The following BCAS1 variants were observed in gnomAD, a reference collection of about 807,000 sequenced individuals.
BCAS1 encodes the protein breast carcinoma-amplified sequence 1.
A neutral mutation model predicts 65.4 loss-of-function variants in BCAS1; 46 were observed. The ratio of observed to expected loss-of-function variants is 0.70; its 90% CI spans 0.55 to 0.90. The LOEUF is 0.90. Ranked by LOEUF, BCAS1 falls within the 40% of genes least tolerant of loss-of-function variation. The pLI is 0.00. For missense variants in BCAS1, 793 were observed against 771.2 expected, an observed-to-expected ratio of 1.03 and a Z score of -0.33; for synonymous variants, 298 against 293.5, an observed-to-expected ratio of 1.02 and a Z score of -0.16.
chr20:53,952,259 CA>C (rs1242364242), intron 12 of BCAS1, among the ~76,000 whole-genome samples: 1 of 152,232 alleles, frequency 6.6e-6, no homozygotes, highest in Non-Finnish European at 1.5e-5. Flanking sequence ...GCTGTTTATG[CA>C]GTCCTATTTC....
At chr20:54,016,862 A>C (rs1416559643) in intron 4 of BCAS1, among the ~76,000 whole-genome samples, 1 of 152,154 alleles carries the variant, frequency 6.6e-6, no homozygotes, top group Non-Finnish European at 1.5e-5. Flanking sequence ...GCTTATACTA[A>C]TTGAACCAAG....
At chr20:54,018,991 A>G (rs1216559081) in intron 4 of BCAS1, among the ~76,000 whole-genome samples, 1 of 152,226 alleles carries the variant, frequency 6.6e-6, no homozygotes, top group Admixed American at 6.5e-5. Context: ...TTGACATATT[A>G]TTGCTTTAAA....
At chr20:53,959,018 T>C (rs897042748) in intron 10 of BCAS1, among the ~76,000 whole-genome samples, 7 of 152,226 alleles carry the variant, frequency 4.6e-5, no homozygotes, top group Admixed American at 6.5e-5. Context: ...AGATGGAGGA[T>C]GACCAAACTC....
intron 9 of BCAS1, among the ~76,000 whole-genome samples, chr20:53,974,969 T>G (rs1161242387): frequency 6.6e-6 from 1 of 152,176 alleles, no homozygotes; most frequent in Non-Finnish European, 1.5e-5. Flanking sequence ...TTCTCATGCC[T>G]GATGCAACTC....
At chr20:54,004,294 A>T (rs1017649971) in intron 4 of BCAS1, among the ~76,000 whole-genome samples, 2 of 152,198 alleles carry the variant, frequency 1.3e-5, no homozygotes, top group African/African-American at 4.8e-5. Flanking sequence ...CAAGAACCCA[A>T]CCATGCTGGC....
chr20:54,029,147 T>C (rs2146106577), intron 3 of BCAS1, 175 bp from the exon 4 acceptor site: 1 of 985,430 alleles, frequency 1.0e-6, no homozygotes, highest in Non-Finnish European at 1.2e-6. Flanking sequence ...ACCCTGCTTT[T>C]CTTGGGAGAG....
At chr20:53,991,032 T>G (rs1410175585) in intron 7 of BCAS1, among the ~76,000 whole-genome samples, 5 of 152,178 alleles carry the variant, frequency 3.3e-5, no homozygotes, top group Admixed American at 3.3e-4. Flanking sequence ...GTCCCTTTAT[T>G]GGTGGCAAGA....
intron 4 of BCAS1, among the ~76,000 whole-genome samples, chr20:54,017,399 C>CTTTT (rs200791354): frequency 2.5e-5 from 3 of 121,756 alleles, no homozygotes; most frequent in African/African-American, 3.1e-5. Context: ...TTTTTCTTTT[C>CTTTT]TTTTTTTTTT....
chr20:53,976,563 C>T (rs961401717), intron 8 of BCAS1, among the ~76,000 whole-genome samples: 7 of 152,168 alleles, frequency 4.6e-5, no homozygotes, highest in Admixed American at 3.3e-4. Flanking sequence ...GTGATCCTAA[C>T]TTACAGAGTA....
chr20:54,002,869 C>T (rs1422799477), intron 4 of BCAS1, among the ~76,000 whole-genome samples: 1 of 152,070 alleles, frequency 6.6e-6, no homozygotes, highest in Non-Finnish European at 1.5e-5. Flanking sequence ...TCCTAATTCC[C>T]CTCTCATCAG....
At chr20:53,958,642 C>T (rs1040103881) in intron 10 of BCAS1, among the ~76,000 whole-genome samples, 2 of 152,196 alleles carry the variant, frequency 1.3e-5, no homozygotes, top group East Asian at 1.9e-4. Context: ...AGAGATAATA[C>T]AAATTATTAT....
intron 5 of BCAS1, 143 bp from the exon 6 acceptor site, chr20:53,995,199 A>G: frequency 1.5e-6 from 1 of 658,556 alleles, no homozygotes; most frequent in South Asian, 2.0e-5. Flanking sequence ...TTCAATAGAA[A>G]TCTCAGGACC....
At chr20:54,040,881 C>T (rs556689039) in intron 3 of BCAS1, among the ~76,000 whole-genome samples, 1 of 151,158 alleles carries the variant, frequency 6.6e-6, no homozygotes, top group East Asian at 1.9e-4. Context: ...AAAACTTGTA[C>T]ACAAATGTCC....
intron 1 of BCAS1, among the ~76,000 whole-genome samples, chr20:54,067,516 A>T (rs558575838): frequency 6.6e-6 from 1 of 152,334 alleles, no homozygotes; most frequent in East Asian, 1.9e-4. Flanking sequence ...CATTTATCTT[A>T]TTATTGTTAT....
chr20:53,967,306 G>A (rs192023590), intron 9 of BCAS1, among the ~76,000 whole-genome samples: 12 of 152,202 alleles, frequency 7.9e-5, no homozygotes, highest in African/African-American at 2.9e-4. Flanking sequence ...CCTTCCCCAA[G>A]GGGAAGAACA....
intron 4 of BCAS1, among the ~76,000 whole-genome samples, chr20:54,005,141 T>C (rs1367817157): frequency 2.6e-5 from 4 of 152,016 alleles, no homozygotes; most frequent in African/African-American, 7.2e-5. Flanking sequence ...GGTCAGTAGA[T>C]AGGGACAAGT....
chr20:54,016,989 G>T (rs879783499), intron 4 of BCAS1, among the ~76,000 whole-genome samples: 6 of 152,200 alleles, frequency 3.9e-5, no homozygotes, highest in Non-Finnish European at 7.3e-5. Context: ...TCACACGGGG[G>T]TAGCAGAAGT....
At chr20:54,045,974 G>A (rs144742195) in intron 3 of BCAS1, among the ~76,000 whole-genome samples, 2 of 152,232 alleles carry the variant, frequency 1.3e-5, no homozygotes, top group East Asian at 3.9e-4. Context: ...TCCTTGGAGG[G>A]GGTAGGGAAG....
At chr20:53,951,402 C>T (rs148465183) in intron 12 of BCAS1, among the ~76,000 whole-genome samples, 2,167 of 152,282 alleles carry the variant, frequency 0.014, 64 homozygotes, top group African/African-American at 0.049. Flanking sequence ...ACCCGGGATG[C>T]GGAGGTTGCG....
Sources: allele counts gnomAD v4.1 joint callset (sites outside exome capture counted in the v4.1 genomes callset), GRCh38; gene constraint gnomAD v4.1.1; transcripts MANE v1.5; gene names NCBI Gene and HGNC (gene_info 2026-07-23, HGNC 2026-07-21).